Variants in ZFHX3 observed in about 807,000 individuals in gnomAD.
ZFHX3 encodes zinc finger homeobox 3.
Under a neutral mutation model 279.1 loss-of-function variants are expected in ZFHX3, and 42 were observed. The ratio of observed to expected loss-of-function variants is 0.15; its 90% CI spans 0.12 to 0.19. The LOEUF (loss-of-function observed/expected upper bound fraction) is 0.19, where lower values mean the gene tolerates loss of function less well. Among genes scored for constraint, ZFHX3 ranks in the 10% least tolerant of loss-of-function variants. The pLI, the probability that ZFHX3 is intolerant of heterozygous loss-of-function variation, is 1.00. For synonymous variants in ZFHX3, 2,293 were observed against 1,957.8 expected, an observed-to-expected ratio of 1.17 and a Z score of -4.52; for missense variants, 4,981 against 4,754.0, an observed-to-expected ratio of 1.05 and a Z score of -1.40.
intron 2 of ZFHX3, among the ~76,000 whole-genome samples, chr16:73,528,138 A>G (rs1167280823): frequency 6.6e-6 from 1 of 152,216 alleles, no homozygotes; most frequent in African/African-American, 2.4e-5. Flanking sequence ...GACATATGGG[A>G]AACATCTGCA....
At chr16:73,849,364 C>T (rs1407618838) in intron 1 of ZFHX3, among the ~76,000 whole-genome samples, 2 of 152,170 alleles carry the variant, frequency 1.3e-5, no homozygotes, top group Non-Finnish European at 2.9e-5. Context: ...TCAGCCTTCT[C>T]CCCTGTTGTG....
chr16:72,923,170 T>C (rs1310967469), intron 3 of ZFHX3, among the ~76,000 whole-genome samples: 6 of 152,184 alleles, frequency 3.9e-5, no homozygotes, highest in South Asian at 2.1e-4. Context: ...CTGGGTGCGT[T>C]GGCTCATGCC....
chr16:73,473,867 G>C (rs11647009), intron 2 of ZFHX3, among the ~76,000 whole-genome samples: 38,505 of 151,872 alleles, frequency 0.25, 6,384 homozygotes, highest in Non-Finnish European at 0.37. Flanking sequence ...TGTTTCTGAA[G>C]ATCGCAAGAT....
At chr16:73,127,634 T>A (rs779707010) in intron 7 of ZFHX3, 91 of 1,255,536 alleles carry the variant, frequency 7.2e-5, no homozygotes, top group Non-Finnish European at 9.2e-5. Context: ...GGGTGCAGAC[T>A]GGATGTTATG....
At chr16:72,858,422 AAG>A (rs980692863) in intron 4 of ZFHX3, among the ~76,000 whole-genome samples, 16 of 152,146 alleles carry the variant, frequency 1.1e-4, no homozygotes, top group Non-Finnish European at 1.8e-4. Context: ...GCAAAACAAA[AAG>A]AGGGGGGAAA....
At chr16:73,183,989 C>T (rs553352583) in intron 5 of ZFHX3, among the ~76,000 whole-genome samples, 10 of 152,150 alleles carry the variant, frequency 6.6e-5, no homozygotes, top group Non-Finnish European at 1.5e-4. Context: ...GCGCATGAAT[C>T]TGTAAAGAGC....
intron 3 of ZFHX3, among the ~76,000 whole-genome samples, chr16:72,918,429 A>G (rs926596203): frequency 6.6e-6 from 1 of 152,232 alleles, no homozygotes; most frequent in Non-Finnish European, 1.5e-5. Flanking sequence ...AAATAGTGAC[A>G]TTCAAAAAAT....
chr16:73,068,525 G>A (rs1202023939), intron 8 of ZFHX3, among the ~76,000 whole-genome samples: 2 of 152,226 alleles, frequency 1.3e-5, no homozygotes, highest in African/African-American at 4.8e-5. Context: ...TTACAGGGTT[G>A]GAACCCATGT....
At chr16:73,685,237 T>G (rs1208579791) in intron 1 of ZFHX3, among the ~76,000 whole-genome samples, 2 of 151,722 alleles carry the variant, frequency 1.3e-5, no homozygotes, top group African/African-American at 4.8e-5. Context: ...CAGATGGTCT[T>G]GATCTCCTGA....
rs538065069 is a variant in ZFHX3, at chr16:73,478,490, A to G, written c.-1546-22232T>C. ...GACACATCCAAAGTGGACAAGATGAAGAGATAATAGGTATACACCAGGATT... is the reference window on the plus strand; with the variant it reads ...GACACATCCAAAGTGGACAAGATGAGGAGATAATAGGTATACACCAGGATT... On this transcript the variant is annotated intron_variant, in intron 2 of 17. Transcript: ENST00000641206. Among the ~76,000 whole-genome samples the G allele has an allele frequency of 3.3e-5, 5 of 152,310 alleles. No homozygotes were observed. In the East Asian group the frequency reaches 9.7e-4, roughly 29 times the overall value.
At chr16:73,887,281 T>C (rs1251123544) in intron 1 of ZFHX3, among the ~76,000 whole-genome samples, 2 of 151,810 alleles carry the variant, frequency 1.3e-5, no homozygotes, top group Admixed American at 1.3e-4. Flanking sequence ...AAACGAGAGA[T>C]TTTGGCAGGA....
intron 1 of ZFHX3, 115 bp from the exon 2 acceptor site, chr16:72,960,309 C>T: frequency 1.3e-6 from 1 of 747,086 alleles, no homozygotes; most frequent in Non-Finnish European, 2.0e-6. Flanking sequence ...TAAGAGGCTT[C>T]TGTCCACAAC....
At chr16:72,966,204 G>A (rs746188665) in intron 1 of ZFHX3, among the ~76,000 whole-genome samples, 2 of 152,264 alleles carry the variant, frequency 1.3e-5, no homozygotes, top group Non-Finnish European at 1.5e-5. Context: ...TCCACTTGCA[G>A]AGCACACCAG....
intron 1 of ZFHX3, among the ~76,000 whole-genome samples, chr16:73,863,135 G>C (rs965293583): frequency 6.6e-6 from 1 of 152,210 alleles, no homozygotes; most frequent in Non-Finnish European, 1.5e-5. Flanking sequence ...GAACCCGGGA[G>C]GCGGAGGTTG....
rs1356233646 is a variant in ZFHX3, at chr16:72,793,826, T to C, written c.8856A>G (p.Gln2952=). The C allele has an allele frequency of 6.2e-6, 10 of 1,614,154 alleles. No individual in the cohort carries two copies. Among genetic ancestry groups the C allele is most frequent in the Non-Finnish European group, 8.5e-6 (10 of 1,180,034 alleles). ...GGACCTTCAGCTGCAGATTGGTCAT[T>C]TGAGTGCGAAAACGTTTCTGCCCAG... ...DRPGQKRFRT[Q]MTNLQLKVLK... Residue 2952 remains glutamine (Q), a synonymous_variant, in exon 9 of 10, where the codon CAA becomes CAG. Coordinates refer to ENST00000268489, the MANE Select transcript of ZFHX3 (RefSeq NM_006885.4). The surrounding 1 kb of genome is among the most constrained non-coding windows in gnomAD (Gnocchi z 4.3).
chr16:73,583,488 G>A (rs2051883297), intron 2 of ZFHX3, among the ~76,000 whole-genome samples: 1 of 152,188 alleles, frequency 6.6e-6, no homozygotes, highest in Non-Finnish European at 1.5e-5. Context: ...ATAAGATTGT[G>A]TGTCCTGTGT....
At chr16:73,816,427 C>T (rs188622858) in intron 1 of ZFHX3, among the ~76,000 whole-genome samples, 148 of 152,240 alleles carry the variant, frequency 9.7e-4, no homozygotes, top group African/African-American at 3.5e-3. Flanking sequence ...TACCCCCTAT[C>T]TTTATAAATA....
chr16:73,884,178 G>T (rs927802929), intron 1 of ZFHX3, among the ~76,000 whole-genome samples: 1 of 151,966 alleles, frequency 6.6e-6, no homozygotes, highest in African/African-American at 2.4e-5. Context: ...TTTTCTCATT[G>T]TGTATCAGGC....
intron 1 of ZFHX3, among the ~76,000 whole-genome samples, chr16:73,877,203 G>GT (rs1047715564): frequency 1.5e-5 from 2 of 133,210 alleles, no homozygotes; most frequent in Non-Finnish European, 3.2e-5. Context: ...GGGTTAGGTC[G>GT]GGGGGGGGTC....
Sources: gnomAD v4.1 joint callset for allele counts (sites outside exome capture counted in the v4.1 genomes callset) on GRCh38, gnomAD v4.1.1 for gene constraint, Gnocchi (gnomAD v3.1) non-coding constraint, MANE v1.5 for transcripts, NCBI Gene and HGNC (gene_info 2026-07-23, HGNC 2026-07-21) for gene names.